CFAP20DC: variants seen among roughly 807,000 people sequenced by gnomAD.
The protein encoded by CFAP20DC is CFAP20 domain containing, also known as protein CFAP20DC.
CFAP20DC carries 84 observed loss-of-function variants against 101.7 expected under a neutral mutation model. The ratio of observed to expected loss-of-function variants is 0.83; its 90% CI spans 0.69 to 0.99. The LOEUF (loss-of-function observed/expected upper bound fraction) is 0.99. Ranked by LOEUF, CFAP20DC falls within the 50% of genes least tolerant of loss-of-function variation. The pLI is 0.00. For synonymous variants in CFAP20DC, 359 were observed against 351.2 expected, an observed-to-expected ratio of 1.02 and a Z score of -0.25; for missense variants, 1,007 against 970.3, an observed-to-expected ratio of 1.04 and a Z score of -0.50.
chr3:58,978,254 T>A (rs2092364691), intron 4 of CFAP20DC, among the ~76,000 whole-genome samples: 1 of 152,136 alleles, frequency 6.6e-6, no homozygotes, highest in African/African-American at 2.4e-5. Flanking sequence ...TATAATAGCA[T>A]CCTATCCCTG....
chr3:58,880,544 A>C (rs961107417), intron 7 of CFAP20DC, among the ~76,000 whole-genome samples: 1 of 152,178 alleles, frequency 6.6e-6, no homozygotes, highest in East Asian at 1.9e-4. Context: ...GTATGAGTCA[A>C]TCCTGCAAAA....
intron 15 of CFAP20DC, among the ~76,000 whole-genome samples, chr3:58,800,404 A>G (rs1437547138): frequency 3.3e-5 from 5 of 152,226 alleles, no homozygotes; most frequent in African/African-American, 1.2e-4. Context: ...TCAGAGAGAC[A>G]GAACAGGGAT....
At position 58,964,290 on chromosome 3, in the gene CFAP20DC, C is replaced by T. The variant is rs1337075003; in HGVS notation, c.279-26528G>A. Reference sequence around the variant, plus strand: ...TTTAGGGAGGCTGGTCACTCAAATGCCTTCATGTCCTGAAAAGACCTTTTG... The same window carrying T: ...TTTAGGGAGGCTGGTCACTCAAATGTCTTCATGTCCTGAAAAGACCTTTTG... On this transcript the variant is annotated intron_variant, in intron 4 of 16. Coordinates refer to ENST00000482387, the MANE Select transcript of CFAP20DC (RefSeq NM_001394063.1). The surrounding 1 kb of genome is among the most constrained non-coding windows in gnomAD (Gnocchi z 4.1). Among the ~76,000 whole-genome samples, 2 of 152,188 alleles carry T rather than the reference C, an allele frequency of 1.3e-5. No homozygotes were observed. Among genetic ancestry groups the T allele is most frequent in the Non-Finnish European group, 2.9e-5 (2 of 68,030 alleles).
chr3:58,989,765 G>A (rs1300501666), intron 4 of CFAP20DC, among the ~76,000 whole-genome samples: 1 of 152,060 alleles, frequency 6.6e-6, no homozygotes, highest in African/African-American at 2.4e-5. Flanking sequence ...AAGATATTCT[G>A]ACGAAGAAAA....
intron 4 of CFAP20DC, among the ~76,000 whole-genome samples, chr3:58,985,880 C>T (rs1040454797): frequency 6.6e-6 from 1 of 152,144 alleles, no homozygotes; most frequent in Non-Finnish European, 1.5e-5. Flanking sequence ...TCTTATTCAT[C>T]TTTGTATCGC....
chr3:58,874,308 T>C lies in CFAP20DC; in HGVS notation c.716-3999A>G, dbSNP rs2080546378. Among the ~76,000 whole-genome samples, 2 of 152,210 alleles carry C rather than the reference T, an allele frequency of 1.3e-5. No homozygotes were observed. Among genetic ancestry groups the C allele is most frequent in the African/African-American group, 2.4e-5 (1 of 41,460 alleles). ...CTGACATCCTCTTCCTCCTGGATGA[T>C]GACAAAGCCTTACTGTGTGACTTAC... On this transcript the variant is annotated intron_variant, in intron 7 of 16. Coordinates refer to ENST00000482387, the MANE Select transcript of CFAP20DC (RefSeq NM_001394063.1). The surrounding 1 kb of genome is among the most constrained non-coding windows in gnomAD (Gnocchi z 5.1).
At chr3:58,917,511 T>C (rs2084865682) in intron 5 of CFAP20DC, among the ~76,000 whole-genome samples, 2 of 152,310 alleles carry the variant, frequency 1.3e-5, no homozygotes, top group South Asian at 4.1e-4. Context: ...CACAATTTCA[T>C]ACCCTGGCAA....
At chr3:58,837,610 A>G (rs1281001100) in intron 13 of CFAP20DC, among the ~76,000 whole-genome samples, 1 of 152,176 alleles carries the variant, frequency 6.6e-6, no homozygotes, top group Non-Finnish European at 1.5e-5. Flanking sequence ...ATCAACAACA[A>G]AGTCTAAGGC....
At chr3:58,813,810 C>T (rs1179605022) in intron 14 of CFAP20DC, among the ~76,000 whole-genome samples, 1 of 151,828 alleles carries the variant, frequency 6.6e-6, no homozygotes, top group South Asian at 2.1e-4. Flanking sequence ...GAACCAATAT[C>T]AATGCATCAC....
In CFAP20DC at chr3:59,049,860, C is replaced by T. The variant is rs534996198; in HGVS notation, c.-229G>A. The T allele has an allele frequency of 1.7e-6, 1 of 600,010 alleles. No homozygotes were observed. Among genetic ancestry groups the T allele is most frequent in the East Asian group, 2.8e-5 (1 of 35,544 alleles). 37.2% of individuals were successfully genotyped at this position (600,010 alleles called of 1,614,324 possible). On this transcript the variant is annotated 5_prime_UTR_variant, in exon 1 of 17. Coordinates refer to ENST00000482387, the MANE Select transcript of CFAP20DC (RefSeq NM_001394063.1). Reference sequence around the variant, plus strand: ...ATTGCGGCTCCAGCCTCCGCGGTGCCCGGGTCTGGGGAGGGCGCAGCTGCC... The same window carrying T: ...ATTGCGGCTCCAGCCTCCGCGGTGCTCGGGTCTGGGGAGGGCGCAGCTGCC...
At chr3:58,813,778 G>A (rs546367979) in intron 14 of CFAP20DC, among the ~76,000 whole-genome samples, 6 of 151,930 alleles carry the variant, frequency 3.9e-5, no homozygotes, top group South Asian at 4.2e-4. Flanking sequence ...GAATTTAAAT[G>A]TACTCAGATA....
At chr3:58,887,373 A>G (rs556509278) in intron 6 of CFAP20DC, 1 of 152,356 alleles carries the variant, frequency 6.6e-6, no homozygotes, top group East Asian at 1.9e-4. Flanking sequence ...AAGGTTTTTT[A>G]AATTAGAAGA....
chr3:58,846,311 C>A (rs1240564074), intron 13 of CFAP20DC, among the ~76,000 whole-genome samples: 1 of 151,296 alleles, frequency 6.6e-6, no homozygotes, highest in Admixed American at 6.6e-5. Flanking sequence ...GCAACTTCAG[C>A]AAAGTCTCAG....
intron 15 of CFAP20DC, among the ~76,000 whole-genome samples, chr3:58,787,256 G>A: frequency 6.9e-6 from 1 of 145,594 alleles, no homozygotes; most frequent in Non-Finnish European, 1.5e-5. Context: ...ACCAAACACT[G>A]CATATTCTCA....
chr3:58,935,818 C>T (rs1211822933), intron 5 of CFAP20DC, among the ~76,000 whole-genome samples: 1 of 152,128 alleles, frequency 6.6e-6, no homozygotes, highest in African/African-American at 2.4e-5. Context: ...ACCATAAAAA[C>T]CCTAGAAGAA....
chr3:58,885,809 T>C (rs992559459), intron 6 of CFAP20DC, among the ~76,000 whole-genome samples: 1 of 152,112 alleles, frequency 6.6e-6, no homozygotes, highest in African/African-American at 2.4e-5. Context: ...TATGGCTGAA[T>C]AGTATTCCAT....
chr3:59,020,271 GT>G (rs201613614), intron 4 of CFAP20DC, among the ~76,000 whole-genome samples: 2,671 of 152,068 alleles, frequency 0.018, 66 homozygotes, highest in African/African-American at 0.06. Context: ...TATTAAGAGT[GT>G]GGAGGGATCC....
intron 12 of CFAP20DC, among the ~76,000 whole-genome samples, chr3:58,856,334 T>C (rs918625121): frequency 6.6e-6 from 1 of 150,692 alleles, no homozygotes; most frequent in Non-Finnish European, 1.5e-5. Context: ...GAGATACTTA[T>C]CTTTCAGTGT....
intron 4 of CFAP20DC, among the ~76,000 whole-genome samples, chr3:58,959,268 A>G (rs1423221969): frequency 6.6e-6 from 1 of 152,170 alleles, no homozygotes; most frequent in East Asian, 1.9e-4. Flanking sequence ...CTAATTTTGT[A>G]TTTTTAGTAG....
Sources: allele counts gnomAD v4.1 joint callset (sites outside exome capture counted in the v4.1 genomes callset), GRCh38; gene constraint gnomAD v4.1.1; non-coding constraint Gnocchi (gnomAD v3.1); transcripts MANE v1.5; gene names NCBI Gene and HGNC (gene_info 2026-07-23, HGNC 2026-07-21).